The following AGAP1 variants were observed in gnomAD, a reference collection of about 807,000 sequenced individuals.
AGAP1 encodes the protein ArfGAP with GTPase domain, ankyrin repeat and PH domain 1.
In AGAP1, 29 loss-of-function variants were observed where a neutral mutation model predicts 105.3. The observed-to-expected ratio is 0.28, with a 90% CI of 0.21 to 0.38. The LOEUF (loss-of-function observed/expected upper bound fraction) is 0.38. Among genes scored for constraint, AGAP1 ranks in the 10% least tolerant of loss-of-function variants. The pLI, the probability that AGAP1 is intolerant of heterozygous loss-of-function variation, is 1.00. For synonymous variants in AGAP1, 509 were observed against 485.9 expected (o/e 1.05, Z -0.63); for missense variants, 998 against 1,165.1 (o/e 0.86, Z 2.09).
intron 11 of AGAP1, among the ~76,000 whole-genome samples, chr2:235,914,510 G>A (rs897956182): frequency 6.6e-6 from 1 of 152,168 alleles, no homozygotes; most frequent in Admixed American, 6.6e-5. Flanking sequence ...AGGGGCTCGG[G>A]GGTGGGGTAT....
At chr2:235,760,493 A>G (rs1354843382) in intron 6 of AGAP1, among the ~76,000 whole-genome samples, 1 of 152,272 alleles carries the variant, frequency 6.6e-6, no homozygotes, top group Non-Finnish European at 1.5e-5. Flanking sequence ...GATTATCCTT[A>G]AATCATCCAA....
At chr2:235,501,034 A>G (rs1941540290) in intron 1 of AGAP1, among the ~76,000 whole-genome samples, 1 of 152,182 alleles carries the variant, frequency 6.6e-6, no homozygotes, top group Non-Finnish European at 1.5e-5. Flanking sequence ...TCCATGGGAC[A>G]GGCTGGGGGT....
intron 16 of AGAP1, among the ~76,000 whole-genome samples, chr2:236,088,985 A>G (rs942358429): frequency 6.6e-6 from 1 of 152,222 alleles, no homozygotes; most frequent in African/African-American, 2.4e-5. Flanking sequence ...ACTTCTACCA[A>G]AAGAGAAAGA....
intron 1 of AGAP1, among the ~76,000 whole-genome samples, chr2:235,570,790 A>T (rs1173783800): frequency 6.6e-6 from 1 of 152,230 alleles, no homozygotes; most frequent in Non-Finnish European, 1.5e-5. Flanking sequence ...AAAACATTTT[A>T]TCAGGATTTG....
Position 236,114,163 on chromosome 2 carries a change from G to A in AGAP1, c.2115-6029G>A, listed in dbSNP as rs936057555. ...AGGCTGTGAACGGTGATCCTCCCGG[G>A]GATTGGAATGAGGGGAGGTGATCTA... On this transcript the variant is annotated intron_variant, in intron 16 of 17. Coordinates refer to ENST00000304032, the MANE Select transcript of AGAP1 (RefSeq NM_001037131.3). This position sits in a 1 kb window ranked among gnomAD's most constrained non-coding sequence, Gnocchi z 5.0. Among the ~76,000 whole-genome samples the A allele has an allele frequency of 5.3e-5, 8 of 152,094 alleles. No individual in the cohort carries two copies. The highest frequency in any genetic ancestry group is 1.9e-4 in the African/African-American group (8 of 41,410).
intron 12 of AGAP1, among the ~76,000 whole-genome samples, chr2:235,948,426 C>A (rs11679677): frequency 0.022 from 3,347 of 152,148 alleles, 137 homozygotes; most frequent in African/African-American, 0.076. Context: ...CTTCTGTGTT[C>A]CCCCCACCTC....
Position 235,807,281 on chromosome 2 carries a change from G to C in AGAP1, c.1000G>C (p.Glu334Gln). The change falls in exon 9 of 18, where the codon GAG (glutamate) becomes CAG (glutamine). Residue 334 changes from glutamate (E) to glutamine (Q), a missense_variant. By Grantham distance (29) the Glu-to-Gln change is conservative. Coordinates refer to ENST00000304032, the MANE Select transcript of AGAP1 (RefSeq NM_001037131.3). Reference sequence around the variant, plus strand: ...CCCAGACAAAGAGAAGAAAGGCCTGGAGAGTCGTGCGGACAGCATTGGGAG... The same window carrying C: ...CCCAGACAAAGAGAAGAAAGGCCTGCAGAGTCGTGCGGACAGCATTGGGAG... ...SDPDKEKKGL[E>Q]SRADSIGSGR... The C allele has an allele frequency of 1.2e-6, 2 of 1,606,866 alleles. No individual in the cohort carries two copies. Among genetic ancestry groups the C allele is most frequent in the South Asian group, 1.1e-5 (1 of 90,122 alleles).
At chr2:235,630,547 G>A (rs1946794882) in intron 1 of AGAP1, among the ~76,000 whole-genome samples, 1 of 152,186 alleles carries the variant, frequency 6.6e-6, no homozygotes, top group African/African-American at 2.4e-5. Context: ...TTGAGATAGG[G>A]TTTGTAGCCT....
At chr2:235,715,317 G>A (rs185582659) in intron 2 of AGAP1, among the ~76,000 whole-genome samples, 2 of 152,296 alleles carry the variant, frequency 1.3e-5, no homozygotes, top group African/African-American at 2.4e-5. Context: ...GTCTTGGCCC[G>A]TATCCAGAGA....
chr2:236,112,706 T>TCACACG (rs919534060), intron 16 of AGAP1, among the ~76,000 whole-genome samples: 2 of 152,192 alleles, frequency 1.3e-5, no homozygotes, highest in Admixed American at 6.5e-5. Context: ...GCACTCGCAT[T>TCACACG]CACACGCACA....
At position 235,877,579 on chromosome 2, in the gene AGAP1, G is replaced by A. The variant is rs183157008; in HGVS notation, c.1051-5766G>A. 8.5e-5 allele frequency among the ~76,000 whole-genome samples: 13 copies of A among 152,242 alleles called. No homozygotes were observed. The highest frequency in any genetic ancestry group is 2.2e-4 in the African/African-American group (9 of 41,542). ...ATTTACATGTTGCGTCTCCCTCAGC[G>A]CTGTCCCCCTTAGCACCACTCATGA... is the stretch of plus-strand genomic sequence containing the variant. On this transcript the variant is annotated intron_variant, in intron 9 of 17. Transcript: ENST00000304032. This position sits in a 1 kb window ranked among gnomAD's most constrained non-coding sequence, Gnocchi z 4.3.
At position 236,131,539 on chromosome 2, in the gene AGAP1, A is replaced by G. The variant is rs904042948; in HGVS notation, c.*7417A>G. On this transcript the variant is annotated 3_prime_UTR_variant, in exon 18 of 18. Transcript: ENST00000304032. This position sits in a 1 kb window ranked among gnomAD's most constrained non-coding sequence, Gnocchi z 5.9. ...CTCATTCAGCAACTTTATGTTTCAC[A>G]ATGACTCAATGATGCTTTATTTATA... The G allele has an allele frequency of 6.6e-6, 1 of 152,104 alleles. No homozygotes were observed. Among genetic ancestry groups the G allele is most frequent in the Non-Finnish European group, 1.5e-5 (1 of 68,020 alleles). 9.4% of individuals were successfully genotyped at this position (152,104 alleles called of 1,614,324 possible).
At position 236,101,491 on chromosome 2, in the gene AGAP1, G is replaced by A. The variant is rs925549661; in HGVS notation, c.2115-18701G>A. Reference sequence around the variant, plus strand: ...CCTGAGAAGCCACCGGCCTGAACTGGGCCCTCTGCAGTCACTCCGGCCTGT... The same window carrying A: ...CCTGAGAAGCCACCGGCCTGAACTGAGCCCTCTGCAGTCACTCCGGCCTGT... On this transcript the variant is annotated intron_variant, in intron 16 of 17. Transcript: ENST00000304032. This position sits in a 1 kb window ranked among gnomAD's most constrained non-coding sequence, Gnocchi z 4.9. Among the ~76,000 whole-genome samples the A allele has an allele frequency of 6.6e-6, 1 of 152,132 alleles. No homozygotes were observed. The highest frequency in any genetic ancestry group is 1.5e-5 in the Non-Finnish European group (1 of 68,032).
In AGAP1 at chr2:235,612,377, G is replaced by A. The variant is rs531778141; in HGVS notation, c.164-96802G>A. On this transcript the variant is annotated intron_variant, in intron 1 of 17. Transcript: ENST00000304032. The surrounding 1 kb of genome is among the most constrained non-coding windows in gnomAD (Gnocchi z 4.3). ...CATTTAATGTGTGTGCATAATCAGA[G>A]GGCAAGGACAGCAGTAAATAATTTA... is the stretch of plus-strand genomic sequence containing the variant. Among the ~76,000 whole-genome samples, 9 of 152,278 alleles carry A rather than the reference G, an allele frequency of 5.9e-5. No homozygotes were observed. Among genetic ancestry groups the A allele is most frequent in the East Asian group, 3.9e-4 (2 of 5,166 alleles).
At chr2:235,616,324 C>G (rs1351895878) in intron 1 of AGAP1, among the ~76,000 whole-genome samples, 2 of 150,918 alleles carry the variant, frequency 1.3e-5, no homozygotes, top group Admixed American at 6.6e-5. Flanking sequence ...GTGCGCCACT[C>G]TACTCCAGCC....
intron 6 of AGAP1, among the ~76,000 whole-genome samples, chr2:235,796,031 T>A (rs1957227394): frequency 6.6e-6 from 1 of 152,222 alleles, no homozygotes; most frequent in Non-Finnish European, 1.5e-5. Context: ...AAAGCATGCA[T>A]CCTAGTCCTA....
intron 6 of AGAP1, among the ~76,000 whole-genome samples, chr2:235,791,460 A>G (rs560606200): frequency 3.5e-4 from 53 of 152,214 alleles, no homozygotes; most frequent in African/African-American, 1.2e-3. Flanking sequence ...ATTAGGGACA[A>G]ACTGTCCCTG....
At chr2:236,015,665 G>A (rs7569558) in intron 13 of AGAP1, among the ~76,000 whole-genome samples, 91,461 of 151,356 alleles carry the variant, frequency 0.6, 28,080 homozygotes, top group South Asian at 0.81. Context: ...GGGGCATCGG[G>A]CGTGTGATGC....
chr2:235,521,420 C>T (rs1037383559), intron 1 of AGAP1, among the ~76,000 whole-genome samples: 1 of 146,676 alleles, frequency 6.8e-6, no homozygotes, highest in Non-Finnish European at 1.5e-5. Flanking sequence ...AATTCAAAGA[C>T]TCTCTCTTTG....
Sources: allele counts gnomAD v4.1 joint callset (sites outside exome capture counted in the v4.1 genomes callset), GRCh38; gene constraint gnomAD v4.1.1; non-coding constraint Gnocchi (gnomAD v3.1); transcripts MANE v1.5; gene names NCBI Gene and HGNC (gene_info 2026-07-23, HGNC 2026-07-21).